Variants in PRRT3 observed in about 807,000 individuals in gnomAD.
PRRT3 encodes proline-rich transmembrane protein 3.
In PRRT3, 48 loss-of-function variants were observed where a neutral mutation model predicts 56.6. That is an observed-to-expected ratio of 0.85 (90% CI 0.67 to 1.08). The LOEUF (loss-of-function observed/expected upper bound fraction) is 1.08, where lower values mean the gene tolerates loss of function less well. PRRT3 is among the 50% of genes least tolerant of loss of function. PRRT3 has a pLI of 0.00. For missense variants in PRRT3, 1,370 were observed against 1,353.1 expected, an observed-to-expected ratio of 1.01 and a Z score of -0.20; for synonymous variants, 641 against 619.1, an observed-to-expected ratio of 1.04 and a Z score of -0.52.
At position 9,946,695 on chromosome 3, in the gene PRRT3, C is replaced by G. The variant is rs1260619078; in HGVS notation, c.2478G>C (p.Val826=). Residue 826 remains valine, a synonymous_variant, in exon 4 of 4, where the codon GTG becomes GTC. Coordinates refer to ENST00000412055, the MANE Select transcript of PRRT3 (RefSeq NM_207351.5). The surrounding 1 kb of genome is among the most constrained non-coding windows in gnomAD (Gnocchi z 4.1). ...CGCAGCGCTGGAACACACTGTCTCGCACTAGGTGCTCGCGGAAGAGCGCGG... is the reference window on the plus strand; with the variant it reads ...CGCAGCGCTGGAACACACTGTCTCGGACTAGGTGCTCGCGGAAGAGCGCGG... The part of the protein sequence containing the change: ...IDAALFREHL[V]RDSVFQRCGL... 1 of 1,467,050 alleles carries G rather than the reference C, an allele frequency of 6.8e-7. No homozygotes were observed. Among genetic ancestry groups the G allele is most frequent in the Non-Finnish European group, 9.0e-7 (1 of 1,117,214 alleles). The allele number at this position is 1,467,050 out of a possible 1,614,324, so 90.9% of individuals were successfully genotyped here. A position where few individuals can be genotyped will look rare whatever the true frequency, so the allele number is the denominator to read the frequency against.
intron 1 of PRRT3, among the ~76,000 whole-genome samples, chr3:9,951,359 C>T (rs556637412): frequency 5.3e-5 from 8 of 152,268 alleles, no homozygotes; most frequent in Middle Eastern, 3.4e-3. Flanking sequence ...AGCTTCCTGG[C>T]TGTTAACCCA....
rs774171882 is a variant in PRRT3 at position 9,947,767 on chromosome 3, A to T, written c.1406T>A (p.Phe469Tyr). Residue 469 changes from phenylalanine to tyrosine, a missense_variant, in exon 4 of 4, where the codon TTC becomes TAC. Phe to Tyr is a conservative substitution (Grantham distance 22). Coordinates refer to ENST00000412055, the MANE Select transcript of PRRT3 (RefSeq NM_207351.5). The surrounding 1 kb of genome is among the most constrained non-coding windows in gnomAD (Gnocchi z 9.2). ...RWGPLRRVLS[F>Y]SWELHVYGVG... ...CCCGTAGACGTGCAGCTCCCAGGAG[A>T]AGCTCAGGACCCGCCGAAGGGGGCC... 2 of 1,498,904 alleles carry T rather than the reference A, an allele frequency of 1.3e-6. No homozygotes were observed. Among genetic ancestry groups the T allele is most frequent in the Non-Finnish European group, 1.8e-6 (2 of 1,127,798 alleles). The allele number at this position is 1,498,904 out of a possible 1,614,324, so 92.9% of individuals were successfully genotyped here. A position where few individuals can be genotyped will look rare whatever the true frequency, so the allele number is the denominator to read the frequency against.
intron 1 of PRRT3, among the ~76,000 whole-genome samples, chr3:9,950,390 C>A (rs541702274): frequency 5.3e-5 from 8 of 152,258 alleles, no homozygotes; most frequent in African/African-American, 1.9e-4. Flanking sequence ...AGACCCTGGC[C>A]ACCACAAGCT....
rs781667889 is a variant in PRRT3, at chr3:9,946,637, C to T, written c.2536G>A (p.Gly846Ser). The T allele has an allele frequency of 1.2e-4, 161 of 1,396,016 alleles. No individual in the cohort carries two copies. Among genetic ancestry groups the T allele is most frequent in the Non-Finnish European group, 1.4e-4 (151 of 1,084,716 alleles). The allele number at this position is 1,396,016 out of a possible 1,614,324, so 86.5% of individuals were successfully genotyped here. ...CTGCCCCGGCGCGGCCGCAGAGCGC[C>T]TCCAGGCGGCGGGGAGGCCAGGCCG... The part of the protein sequence containing the change: ...LRGLASPPPG[G>S]ALRPRRGSHP... Residue 846 changes from glycine (G) to serine (S), a missense_variant, in exon 4 of 4, where the codon GGC (glycine) becomes AGC (serine). Coordinates refer to ENST00000412055, the MANE Select transcript of PRRT3 (RefSeq NM_207351.5). This position sits in a 1 kb window ranked among gnomAD's most constrained non-coding sequence, Gnocchi z 4.1.
In PRRT3 at chr3:9,947,560, A is replaced by C; in HGVS notation, c.1613T>G (p.Leu538Arg). 1 of 1,607,692 alleles carries C rather than the reference A, an allele frequency of 6.2e-7. No individual in the cohort carries two copies. Among genetic ancestry groups the C allele is most frequent in the Non-Finnish European group, 8.5e-7 (1 of 1,177,682 alleles). The change falls in exon 4 of 4, where the codon CTG becomes CGG. Residue 538 changes from leucine to arginine, a missense_variant. Transcript: ENST00000412055. This position sits in a 1 kb window ranked among gnomAD's most constrained non-coding sequence, Gnocchi z 9.2. ...SQARLGVRGGLVLYNLPFPLL... is the reference protein window; with the variant it reads ...SQARLGVRGGRVLYNLPFPLL... Reference sequence around the variant, plus strand: ...GGGGAAGGGCAGGTTGTAGAGCACCAGGCCCCCGCGAACGCCCAGCCGCGC... The same window carrying C: ...GGGGAAGGGCAGGTTGTAGAGCACCCGGCCCCCGCGAACGCCCAGCCGCGC...
Position 9,949,828 on chromosome 3 carries a change from C to A in PRRT3, c.288G>T (p.Leu96=). 1 of 1,614,046 alleles carries A rather than the reference C, an allele frequency of 6.2e-7. No homozygotes were observed. Among genetic ancestry groups the A allele is most frequent in the Non-Finnish European group, 8.5e-7 (1 of 1,179,962 alleles). ...KPVASPLGPA[L]YGPKAAQGAQ... Reference sequence around the variant, plus strand: ...CTCCTTGTGCTGCTTTGGGCCCGTACAGGGCTGGGCCAAGGGGAGAGGCTA... The same window carrying A: ...CTCCTTGTGCTGCTTTGGGCCCGTAAAGGGCTGGGCCAAGGGGAGAGGCTA... Residue 96 remains leucine, a synonymous_variant, in exon 2 of 4, where the codon CTG becomes CTT. Coordinates refer to ENST00000412055, the MANE Select transcript of PRRT3 (RefSeq NM_207351.5). This position sits in a 1 kb window ranked among gnomAD's most constrained non-coding sequence, Gnocchi z 4.5.
Position 9,946,599 on chromosome 3 carries a change from G to C in PRRT3, c.2574C>G (p.Ala858=). ...LRPRRGSHPK[A]ELDDAGSSLL... The stretch of plus-strand genomic sequence containing the variant: ...GCGAGGAGCCAGCGTCGTCGAGCTC[G>C]GCTTTGGGATGGCTGCCCCGGCGCG... Residue 858 remains alanine, a synonymous_variant, in exon 4 of 4, where the codon GCC becomes GCG. Transcript: ENST00000412055. The surrounding 1 kb of genome is among the most constrained non-coding windows in gnomAD (Gnocchi z 4.1). 2.9e-6 allele frequency: 4 copies of C among 1,396,704 alleles called. No individual in the cohort carries two copies. Among genetic ancestry groups the C allele is most frequent in the African/African-American group, 1.5e-5 (1 of 65,560 alleles). The allele number at this position is 1,396,704 out of a possible 1,614,324, so 86.5% of individuals were successfully genotyped here. A position where few individuals can be genotyped will look rare whatever the true frequency, so the allele number is the denominator to read the frequency against.
chr3:9,947,499 G>A lies in PRRT3; in HGVS notation c.1674C>T (p.Leu558=), dbSNP rs1251239976. 8 of 1,611,992 alleles carry A rather than the reference G, an allele frequency of 5.0e-6. No homozygotes were observed. The highest frequency in any genetic ancestry group is 6.8e-6 in the Non-Finnish European group (8 of 1,179,600). The stretch of plus-strand genomic sequence containing the variant: ...GTGGCGGCAGCCCCGCGCCCAGGCC[G>A]AGCAGAGTCAGGGCTGCCAGCGCCG... The part of the protein sequence containing the change: ...LLTALAALTL[L]GLGAGLPPPL... The change falls in exon 4 of 4, where the codon CTC becomes CTT. Residue 558 remains leucine, a synonymous_variant. Coordinates refer to ENST00000412055, the MANE Select transcript of PRRT3 (RefSeq NM_207351.5). The surrounding 1 kb of genome is among the most constrained non-coding windows in gnomAD (Gnocchi z 9.2).
In PRRT3 at chr3:9,946,732, C is replaced by T. The variant is rs2085530044; in HGVS notation, c.2441G>A (p.Arg814His). Reference sequence around the variant, plus strand: ...GCGGAAGAGCGCGGCGTCGATGCTGCGGCTCAGGTTGATGGGCGATGGCGG... The same window carrying T: ...GCGGAAGAGCGCGGCGTCGATGCTGTGGCTCAGGTTGATGGGCGATGGCGG... ...LRPPSPINLS[R>H]SIDAALFREH... Residue 814 changes from arginine to histidine, a missense_variant, in exon 4 of 4, where the codon CGC becomes CAC. Arg to His is a conservative substitution (Grantham distance 29). Transcript: ENST00000412055. This position sits in a 1 kb window ranked among gnomAD's most constrained non-coding sequence, Gnocchi z 4.1. 1.3e-6 allele frequency: 2 copies of T among 1,506,466 alleles called. No homozygotes were observed. The highest frequency in any genetic ancestry group is 1.3e-5 in the South Asian group (1 of 76,322). The allele number at this position is 1,506,466 out of a possible 1,614,324, so 93.3% of individuals were successfully genotyped here.
Position 9,947,600 on chromosome 3 carries a change from G to A in PRRT3, c.1573C>T (p.Pro525Ser). Residue 525 changes from proline to serine, a missense_variant, in exon 4 of 4, where the codon CCT (proline) becomes TCT (serine). By Grantham distance (74) the Pro-to-Ser change is moderately conservative. Transcript: ENST00000412055. The surrounding 1 kb of genome is among the most constrained non-coding windows in gnomAD (Gnocchi z 9.2). ...ALRSAYMLTD[P>S]YGSQARLGVR... ...CCCAGCCGCGCCTGCGAGCCGTAAGGGTCGGTAAGCATGTAGGCGGATCGC... is the reference window on the plus strand; with the variant it reads ...CCCAGCCGCGCCTGCGAGCCGTAAGAGTCGGTAAGCATGTAGGCGGATCGC... 1 of 1,602,264 alleles carries A rather than the reference G, an allele frequency of 6.2e-7. No homozygotes were observed. The highest frequency in any genetic ancestry group is 8.5e-7 in the Non-Finnish European group (1 of 1,174,472).
Position 9,947,490 on chromosome 3 carries a change from G to A in PRRT3, c.1683C>T (p.Gly561=), listed in dbSNP as rs780046683. ...TTTGCAGCGGTGGCGGCAGCCCCGC[G>A]CCCAGGCCGAGCAGAGTCAGGGCTG... is the stretch of plus-strand genomic sequence containing the variant. ...ALAALTLLGL[G]AGLPPPLQNP... Residue 561 remains glycine, a synonymous_variant, in exon 4 of 4, where the codon GGC becomes GGT. Coordinates refer to ENST00000412055, the MANE Select transcript of PRRT3 (RefSeq NM_207351.5). The surrounding 1 kb of genome is among the most constrained non-coding windows in gnomAD (Gnocchi z 9.2). 1.9e-6 allele frequency: 3 copies of A among 1,612,186 alleles called. No individual in the cohort carries two copies. Among genetic ancestry groups the A allele is most frequent in the Admixed American group, 3.3e-5 (2 of 59,988 alleles).
rs1314011870 is a variant in PRRT3, at chr3:9,945,808, G to C, written c.*419C>G. The stretch of plus-strand genomic sequence containing the variant: ...CCCGGGGGTTGCCGTCAGGTAGAGA[G>C]GCCTGGGGATGCCTTTTTTTTTTTT... On this transcript the variant is annotated 3_prime_UTR_variant, in exon 4 of 4. Transcript: ENST00000412055. The C allele has an allele frequency of 6.4e-6, 1 of 155,478 alleles. No homozygotes were observed. Among genetic ancestry groups the C allele is most frequent in the South Asian group, 1.8e-4 (1 of 5,502 alleles). 9.6% of individuals were successfully genotyped at this position (155,478 alleles called of 1,614,324 possible). A position where few individuals can be genotyped will look rare whatever the true frequency, so the allele number is the denominator to read the frequency against.
chr3:9,947,023 C>T lies in PRRT3; in HGVS notation c.2150G>A (p.Arg717His). ...TEHACWAKLM[R>H]LACPAPSGKS... is the part of the protein sequence containing the mutation. ...TCCTGACGGCGCCGGGCACGCCAGACGCATCAGCTTAGCCCAGCAAGCGTG... is the reference window on the plus strand; with the variant it reads ...TCCTGACGGCGCCGGGCACGCCAGATGCATCAGCTTAGCCCAGCAAGCGTG... The change falls in exon 4 of 4, where the codon CGT becomes CAT. Residue 717 changes from arginine (R) to histidine (H), a missense_variant. Physicochemically the swap from Arg to His is conservative, Grantham distance 29 (BLOSUM62 0). Transcript: ENST00000412055. This position sits in a 1 kb window ranked among gnomAD's most constrained non-coding sequence, Gnocchi z 9.2. 3 of 1,540,374 alleles carry T rather than the reference C, an allele frequency of 1.9e-6. No homozygotes were observed. Among genetic ancestry groups the T allele is most frequent in the Non-Finnish European group, 2.6e-6 (3 of 1,147,970 alleles).
At chr3:9,948,714 T>G (rs1464299069) in intron 3 of PRRT3, 44 bp downstream of exon 3, 1 of 1,610,068 alleles carries the variant, frequency 6.2e-7, no homozygotes. Flanking sequence ...TCTCAGTTAC[T>G]AGACAGAGCA....
intron 3 of PRRT3, 163 bp from the exon 4 acceptor site, chr3:9,948,164 C>A: frequency 4.3e-6 from 3 of 704,316 alleles, no homozygotes; most frequent in Non-Finnish European, 6.0e-6. Context: ...AATGTTTAGC[C>A]CGGTGCCCAA....
chr3:9,947,271 G>A lies in PRRT3; in HGVS notation c.1902C>T (p.Ser634=). Reference sequence around the variant, plus strand: ...CCACAGCCAACAGCCGAGGGCCCGGGCTGGCATCCCAGCCCCGTGGGCCGT... The same window carrying A: ...CCACAGCCAACAGCCGAGGGCCCGGACTGGCATCCCAGCCCCGTGGGCCGT... ...LLDGPRGWDA[S]PGPRLLAVAG... The change falls in exon 4 of 4, where the codon AGC becomes AGT. Residue 634 remains serine, a synonymous_variant. Transcript: ENST00000412055. This position sits in a 1 kb window ranked among gnomAD's most constrained non-coding sequence, Gnocchi z 9.2. The A allele has an allele frequency of 1.3e-6, 2 of 1,526,950 alleles. No individual in the cohort carries two copies. Among genetic ancestry groups the A allele is most frequent in the African/African-American group, 1.4e-5 (1 of 70,968 alleles). 94.6% of individuals were successfully genotyped at this position (1,526,950 alleles called of 1,614,324 possible).
Position 9,949,477 on chromosome 3 carries a change from G to A in PRRT3, c.639C>T (p.Ser213=). 1 of 1,614,082 alleles carries A rather than the reference G, an allele frequency of 6.2e-7. No homozygotes were observed. Among genetic ancestry groups the A allele is most frequent in the Admixed American group, 1.7e-5 (1 of 60,026 alleles). Residue 213 remains serine (S), a synonymous_variant, in exon 2 of 4, where the codon TCC becomes TCT. Transcript: ENST00000412055. The surrounding 1 kb of genome is among the most constrained non-coding windows in gnomAD (Gnocchi z 4.5). Reference sequence around the variant, plus strand: ...CTGGCCTCTTGACAGTACCTGAGTGGGAAACAAGGGTGTGGGGTGGGCCCT... The same window carrying A: ...CTGGCCTCTTGACAGTACCTGAGTGAGAAACAAGGGTGTGGGGTGGGCCCT... ...DHQGPPHTLV[S]HSGTVKRPVL...
At chr3:9,951,604 CAG>C (rs1365966171) in intron 1 of PRRT3, among the ~76,000 whole-genome samples, 1 of 152,202 alleles carries the variant, frequency 6.6e-6, no homozygotes, top group Non-Finnish European at 1.5e-5. Context: ...GGCCCAGAGA[CAG>C]GGCTTTGCTC....
chr3:9,946,384 G>A lies in PRRT3; in HGVS notation c.2789C>T (p.Pro930Leu). The A allele has an allele frequency of 2.5e-6, 4 of 1,608,518 alleles. No individual in the cohort carries two copies. Among genetic ancestry groups the A allele is most frequent in the Non-Finnish European group, 3.4e-6 (4 of 1,176,818 alleles). The change falls in exon 4 of 4, where the codon CCC becomes CTC. Residue 930 changes from proline (P) to leucine (L), a missense_variant. Coordinates refer to ENST00000412055, the MANE Select transcript of PRRT3 (RefSeq NM_207351.5). This position sits in a 1 kb window ranked among gnomAD's most constrained non-coding sequence, Gnocchi z 4.1. ...TACCGTGCTGGGCAACTCATCTAGGGGCAGACTGTCCACTGATGACAGCCC... is the reference window on the plus strand; with the variant it reads ...TACCGTGCTGGGCAACTCATCTAGGAGCAGACTGTCCACTGATGACAGCCC... The part of the protein sequence containing the change: ...RHGLSSVDSL[P>L]LDELPSTVQL...
Sources: allele counts gnomAD v4.1 joint callset (sites outside exome capture counted in the v4.1 genomes callset), GRCh38; gene constraint gnomAD v4.1.1; non-coding constraint Gnocchi (gnomAD v3.1); transcripts MANE v1.5; gene names NCBI Gene and HGNC (gene_info 2026-07-23, HGNC 2026-07-21).